Variants in HLCS observed in about 807,000 individuals in gnomAD.
The protein encoded by HLCS is biotin--protein ligase.
In HLCS, 53 loss-of-function variants were observed where a neutral mutation model predicts 75.0. That is an observed-to-expected ratio of 0.71 (90% CI 0.57 to 0.89). The LOEUF (loss-of-function observed/expected upper bound fraction) is 0.89. HLCS is among the 40% of genes least tolerant of loss of function. HLCS has a pLI of 0.00. For synonymous variants in HLCS, 431 were observed against 428.6 expected, an observed-to-expected ratio of 1.01 and a Z score of -0.07; for missense variants, 966 against 1,074.0, an observed-to-expected ratio of 0.90 and a Z score of 1.41.
intron 8 of HLCS, 65 bp downstream of exon 8, chr21:36,764,947 A>G: frequency 1.9e-6 from 3 of 1,549,070 alleles, no homozygotes; most frequent in Non-Finnish European, 2.7e-6. Flanking sequence ...CACATGCTAT[A>G]AACAAGAATA....
chr21:36,895,055 G>A (rs2064958719), intron 6 of HLCS, among the ~76,000 whole-genome samples: 1 of 152,008 alleles, frequency 6.6e-6, no homozygotes, highest in South Asian at 2.1e-4. Flanking sequence ...CTGCCCTCTT[G>A]GTGACGCGCT....
At chr21:36,970,835 TA>T (rs1353729292), upstream of HLCS, among the ~76,000 whole-genome samples, 6 of 151,864 alleles carry the variant, frequency 4.0e-5, no homozygotes, top group Admixed American at 3.9e-4. Context: ...TATTAAAAAA[TA>T]CAAAAAAGTT....
chr21:36,786,966 G>T (rs1274239787), intron 6 of HLCS, among the ~76,000 whole-genome samples: 1 of 152,154 alleles, frequency 6.6e-6, no homozygotes, highest in South Asian at 2.1e-4. Flanking sequence ...GGGGTGGTCG[G>T]GGCCCAGCAC....
At chr21:36,839,145 C>A (rs769778980) in intron 6 of HLCS, among the ~76,000 whole-genome samples, 3 of 152,220 alleles carry the variant, frequency 2.0e-5, no homozygotes, top group Non-Finnish European at 4.4e-5. Flanking sequence ...TGGGATTAAA[C>A]ACAGGCACTG....
intron 6 of HLCS, among the ~76,000 whole-genome samples, chr21:36,795,955 G>A (rs546904652): frequency 2.0e-5 from 3 of 152,306 alleles, no homozygotes; most frequent in East Asian, 3.9e-4. Flanking sequence ...TAATTTAAAA[G>A]GTTAATTAAG....
At chr21:36,839,238 T>G (rs2062531622) in intron 6 of HLCS, among the ~76,000 whole-genome samples, 1 of 152,202 alleles carries the variant, frequency 6.6e-6, no homozygotes, top group Admixed American at 6.5e-5. Flanking sequence ...GTCCACTTCA[T>G]GAAAAAATGA....
chr21:36,853,703 A>G (rs1301620255), intron 6 of HLCS, among the ~76,000 whole-genome samples: 1 of 152,228 alleles, frequency 6.6e-6, no homozygotes, highest in Non-Finnish European at 1.5e-5. Flanking sequence ...CCAGTAACAG[A>G]TTCTTTCACA....
chr21:36,779,143 A>C (rs1174654380), intron 6 of HLCS, among the ~76,000 whole-genome samples: 1 of 32,278 alleles, frequency 3.1e-5, no homozygotes, highest in Non-Finnish European at 5.8e-5. Flanking sequence ...GTGGAACCTG[A>C]GTACACAAAA....
chr21:36,864,316 C>T (rs1416499016), intron 6 of HLCS, among the ~76,000 whole-genome samples: 1 of 152,020 alleles, frequency 6.6e-6, no homozygotes, highest in Non-Finnish European at 1.5e-5. Context: ...AGGAGAATCA[C>T]TTGAACCTGG....
At chr21:36,771,248 AT>A (rs2060198153) in intron 6 of HLCS, among the ~76,000 whole-genome samples, 1 of 149,514 alleles carries the variant, frequency 6.7e-6, no homozygotes, top group Non-Finnish European at 1.5e-5. Context: ...ATAAATAAAT[AT>A]AAAATAAAAT....
At chr21:36,977,352 GC>G (rs2068968080) in intron 1 of HLCS, among the ~76,000 whole-genome samples, 1 of 152,026 alleles carries the variant, frequency 6.6e-6, no homozygotes, top group African/African-American at 2.4e-5. Context: ...TGGGGCCACT[GC>G]CCCCACCCTC....
At chr21:36,888,435 AAAAAAAAAAAATATATATATAT>A (rs1385059494) in intron 6 of HLCS, among the ~76,000 whole-genome samples, 9 of 24,906 alleles carry the variant, frequency 3.6e-4, no homozygotes, top group African/African-American at 9.0e-4. Context: ...TCCCATTTAA[AAAAAAAAAAAATATATATATAT>A]ATATATATAT....
intron 6 of HLCS, among the ~76,000 whole-genome samples, chr21:36,814,322 T>C (rs1014162057): frequency 5.3e-5 from 8 of 152,242 alleles, no homozygotes; most frequent in Non-Finnish European, 2.9e-5. Flanking sequence ...AAAAGGGCTA[T>C]ACTATCATTT....
rs189684418 is a variant in HLCS, at chr21:36,899,898, G to A, written c.1621-2767C>T. Among the ~76,000 whole-genome samples, 9 of 152,280 alleles carry A rather than the reference G, an allele frequency of 5.9e-5. 1 individual carries two copies. Among genetic ancestry groups the A allele is most frequent in the Admixed American group, 2.6e-4 (4 of 15,300 alleles). ...GAAGGCGGATCACTCGAGGTCAGGA[G>A]TTTGAGACCAGCCTGGCCAACATGA... is the stretch of plus-strand genomic sequence containing the variant. On this transcript the variant is annotated intron_variant, in intron 5 of 10. Coordinates refer to ENST00000674895, the MANE Select transcript of HLCS (RefSeq NM_001352514.2).
chr21:36,970,636 C>T (rs531708830), upstream of HLCS, among the ~76,000 whole-genome samples: 70 of 151,970 alleles, frequency 4.6e-4, 1 homozygote, highest in South Asian at 4.6e-3. Flanking sequence ...CCCAAAGTAC[C>T]GGGATTACAA....
chr21:36,859,328 A>T (rs1403924419), intron 6 of HLCS, among the ~76,000 whole-genome samples: 1 of 152,100 alleles, frequency 6.6e-6, no homozygotes, highest in Non-Finnish European at 1.5e-5. Flanking sequence ...GCCAGCTTGG[A>T]GTTTTTTGTC....
rs71328521 is a variant in HLCS, at chr21:36,906,049, C to CAAAAAA, written c.1621-8924_1621-8919dup. On this transcript the variant is annotated intron_variant, in intron 5 of 10. Coordinates refer to ENST00000674895, the MANE Select transcript of HLCS (RefSeq NM_001352514.2). ...TGGGCAACAGAGTGAGACTCCATCT[C>CAAAAAA]AAAAAAAAAAAAAAACAAAACAAAA... Among the ~76,000 whole-genome samples the CAAAAAA allele has an allele frequency of 6.8e-3, 635 of 92,748 alleles. 19 individuals carry two copies. The highest frequency in any genetic ancestry group is 0.011 in the Non-Finnish European group (499 of 45,822). The allele number at this position is 92,748 out of a possible 152,430, so 60.8% of individuals were successfully genotyped here. A position where few individuals can be genotyped will look rare whatever the true frequency, so the allele number is the denominator to read the frequency against.
intron 6 of HLCS, among the ~76,000 whole-genome samples, chr21:36,832,178 T>A (rs2062235004): frequency 6.6e-6 from 1 of 152,194 alleles, no homozygotes; most frequent in East Asian, 1.9e-4. Flanking sequence ...CTCTGTCCTA[T>A]TACTGGGCAA....
intron 6 of HLCS, among the ~76,000 whole-genome samples, chr21:36,786,055 A>G (rs79199803): frequency 0.029 from 4,415 of 152,228 alleles, 213 homozygotes; most frequent in African/African-American, 0.1. Context: ...CTGTTTCAAC[A>G]GGGACACTTC....
Sources: gnomAD v4.1 joint callset for allele counts (sites outside exome capture counted in the v4.1 genomes callset) on GRCh38, gnomAD v4.1.1 for gene constraint, MANE v1.5 for transcripts, NCBI Gene and HGNC (gene_info 2026-07-23, HGNC 2026-07-21) for gene names.